PMPCA: variants seen among roughly 807,000 people sequenced by gnomAD.
PMPCA encodes peptidase, mitochondrial processing subunit alpha.
A neutral mutation model predicts 59.3 loss-of-function variants in PMPCA; 47 were observed. The observed-to-expected ratio is 0.79, with a 90% CI of 0.63 to 1.01. The LOEUF (loss-of-function observed/expected upper bound fraction) is 1.01, where lower values mean the gene tolerates loss of function less well. Ranked by LOEUF, PMPCA falls within the 50% of genes least tolerant of loss-of-function variation. The pLI, the probability that PMPCA is intolerant of heterozygous loss-of-function variation, is 0.00. For missense variants in PMPCA, 726 were observed against 704.5 expected, an observed-to-expected ratio of 1.03 and a Z score of -0.34; for synonymous variants, 338 against 290.3, an observed-to-expected ratio of 1.16 and a Z score of -1.67.
chr9:136,411,877 C>A, intron 1 of PMPCA, 120 bp from the exon 2 acceptor site: 1 of 686,024 alleles, frequency 1.5e-6, no homozygotes, highest in Non-Finnish European at 2.7e-6. Context: ...AGAAATAAGT[C>A]CTGTAGAAAG....
At position 136,423,233 on chromosome 9, in the gene PMPCA, G is replaced by A. The variant is rs768196711; in HGVS notation, c.1547G>A (p.Arg516His). 14 of 1,613,172 alleles carry A rather than the reference G, an allele frequency of 8.7e-6. No individual in the cohort carries two copies. Among genetic ancestry groups the A allele is most frequent in the African/African-American group, 1.3e-5 (1 of 74,946 alleles). Reference sequence around the variant, plus strand: ...ACCGCCCTGTCGAGTAAGGACGGGCGCCTGCCCAGGACGTACCGGCTCTTC... The same window carrying A: ...ACCGCCCTGTCGAGTAAGGACGGGCACCTGCCCAGGACGTACCGGCTCTTC... Reference protein sequence around the residue: ...IQTALSSKDGRLPRTYRLFR With the variant: ...IQTALSSKDGHLPRTYRLFR The change falls in exon 13 of 13, where the codon CGC becomes CAC. Residue 516 changes from arginine to histidine, a missense_variant. By Grantham distance (29) the Arg-to-His change is conservative. Coordinates refer to ENST00000371717, the MANE Select transcript of PMPCA (RefSeq NM_015160.3).
Position 136,417,225 on chromosome 9 carries a change from G to T in PMPCA, c.897+11G>T, listed in dbSNP as rs556400644. On this transcript the variant is annotated intron_variant, in intron 7 of 12. Coordinates refer to ENST00000371717, the MANE Select transcript of PMPCA (RefSeq NM_015160.3). Reference sequence around the variant, plus strand: ...GGGGGGATTGCCAAGGTGAAGTAGCGGGAACGTCTCATGGCCTCGGGTGGG... The same window carrying T: ...GGGGGGATTGCCAAGGTGAAGTAGCTGGAACGTCTCATGGCCTCGGGTGGG... The T allele has an allele frequency of 1.3e-6, 2 of 1,558,606 alleles. No individual in the cohort carries two copies.
chr9:136,421,404 G>GTTTTTTT lies in PMPCA; in HGVS notation c.1264-411_1264-405dup, dbSNP rs57128281. Among the ~76,000 whole-genome samples the GTTTTTTT allele has an allele frequency of 5.1e-5, 6 of 118,006 alleles. 1 individual carries two copies. Among genetic ancestry groups the GTTTTTTT allele is most frequent in the Non-Finnish European group, 5.2e-5 (3 of 57,650 alleles). 77.4% of individuals were successfully genotyped at this position (118,006 alleles called of 152,430 possible). A position where few individuals can be genotyped will look rare whatever the true frequency, so the allele number is the denominator to read the frequency against. On this transcript the variant is annotated intron_variant, in intron 11 of 12. Coordinates refer to ENST00000371717, the MANE Select transcript of PMPCA (RefSeq NM_015160.3). ...GCCTGTGACTTGGGCCTGGGTTCCC[G>GTTTTTTT]TTTTTTTTTTTTTTTTTTTTTTTGA...
Position 136,412,127 on chromosome 9 carries a change from A to C in PMPCA, c.202A>C (p.Lys68Gln). Residue 68 changes from lysine to glutamine, a missense_variant, in exon 2 of 13, where the codon AAA becomes CAA. Physicochemically the swap from Lys to Gln is moderately conservative, Grantham distance 53. Transcript: ENST00000371717. The stretch of plus-strand genomic sequence containing the variant: ...TGATGGACAGGAAAAGTTTGAAACC[A>C]AAGTAACCACATTGGATAATGGGCT... ...TVDGQEKFET[K>Q]VTTLDNGLRV... 6.2e-7 allele frequency: 1 copy of C among 1,614,118 alleles called. No homozygotes were observed. Among genetic ancestry groups the C allele is most frequent in the Non-Finnish European group, 8.5e-7 (1 of 1,179,970 alleles).
intron 12 of PMPCA, chr9:136,422,667 A>G (rs1439431573): frequency 1.6e-5 from 16 of 1,012,648 alleles, no homozygotes; most frequent in Non-Finnish European, 1.8e-5. Flanking sequence ...TTTTCTGTAG[A>G]AAACAGACCC....
intron 1 of PMPCA, chr9:136,411,174 C>T (rs1421708804): frequency 1.2e-5 from 2 of 162,810 alleles, no homozygotes; most frequent in Admixed American, 6.4e-5. Context: ...CCGTACCCAC[C>T]GCTCCTCCCA....
chr9:136,416,371 C>G lies in PMPCA; in HGVS notation c.613C>G (p.Leu205Val), dbSNP rs764553676. The G allele has an allele frequency of 5.6e-6, 9 of 1,612,582 alleles. No homozygotes were observed. In the East Asian group the frequency reaches 2.0e-4, roughly 36 times the overall value. The change falls in exon 6 of 13, where the codon CTC becomes GTC. Residue 205 changes from leucine to valine, a missense_variant. Physicochemically the swap from Leu to Val is conservative, Grantham distance 32. Coordinates refer to ENST00000371717, the MANE Select transcript of PMPCA (RefSeq NM_015160.3). ...CCTGCGGCCTGACCCAGAGCCACTT[C>G]TCACCGAGATGATTCATGAAGTAAA... Reference protein sequence around the residue: ...LNLRPDPEPLLTEMIHEAAYR... With the variant: ...LNLRPDPEPLVTEMIHEAAYR...
At chr9:136,416,902 C>G (rs1214080812) in intron 6 of PMPCA, 49 bp from the exon 7 acceptor site, 2 of 1,549,958 alleles carry the variant, frequency 1.3e-6, no homozygotes, top group South Asian at 2.4e-5. Flanking sequence ...TGGAGGAAGC[C>G]TGGTCATGCT....
chr9:136,410,826 C>T (rs1835077827), intron 1 of PMPCA, 87 bp downstream of exon 1: 10 of 1,138,176 alleles, frequency 8.8e-6, no homozygotes, highest in South Asian at 5.3e-5. Context: ...CTACAGGTGA[C>T]ATGGCGCCCG....
intron 6 of PMPCA, 86 bp from the exon 7 acceptor site, chr9:136,416,865 C>T: frequency 7.6e-7 from 1 of 1,321,806 alleles, no homozygotes; most frequent in African/African-American, 1.5e-5. Flanking sequence ...CCAGGGCTGG[C>T]TGCAGATGGG....
At chr9:136,415,941 T>C in intron 5 of PMPCA, 1 of 305,290 alleles carries the variant, frequency 3.3e-6, no homozygotes, top group Non-Finnish European at 6.2e-6. Flanking sequence ...CGTGTGCCTC[T>C]GTTTCTAAGC....
Position 136,412,867 on chromosome 9 carries a change from G to C in PMPCA, c.412G>C (p.Gly138Arg). 6.2e-7 allele frequency: 1 copy of C among 1,606,992 alleles called. No homozygotes were observed. Among genetic ancestry groups the C allele is most frequent in the Non-Finnish European group, 8.5e-7 (1 of 1,173,662 alleles). ...EILLTLEKHG[G>R]ICDCQTSRDT... ...TCTGCTTACGTTGGAAAAGCATGGG[G>C]GTATCTGTGACTGCCAGACATCAAG... Residue 138 changes from glycine (G) to arginine (R), a missense_variant, in exon 4 of 13, where the codon GGT becomes CGT. By Grantham distance (125) the Gly-to-Arg change is moderately radical. Coordinates refer to ENST00000371717, the MANE Select transcript of PMPCA (RefSeq NM_015160.3).
At position 136,417,263 on chromosome 9, in the gene PMPCA, T is replaced by C. The variant is rs778014054; in HGVS notation, c.897+49T>C. 4.1e-6 allele frequency: 6 copies of C among 1,478,100 alleles called. No homozygotes were observed. In the African/African-American group the frequency reaches 7.0e-5, roughly 17 times the overall value. 91.6% of individuals were successfully genotyped at this position (1,478,100 alleles called of 1,614,324 possible). On this transcript the variant is annotated intron_variant, in intron 7 of 12. Coordinates refer to ENST00000371717, the MANE Select transcript of PMPCA (RefSeq NM_015160.3). ...GGCCTCGGGTGGGGAACACGTCCCC[T>C]GGCCCGTGGTGTGACCTGTTTTTGT...
intron 12 of PMPCA, chr9:136,422,765 G>A (rs1180491104): frequency 2.0e-5 from 22 of 1,122,444 alleles, no homozygotes; most frequent in Middle Eastern, 4.0e-4. Context: ...TGCGGCCCTC[G>A]GGGGCTGGGG....
chr9:136,418,462 G>A (rs953658920), intron 8 of PMPCA, 93 bp from the exon 9 acceptor site: 13 of 839,102 alleles, frequency 1.5e-5, no homozygotes, highest in South Asian at 1.2e-4. Flanking sequence ...TGGCTTGGGC[G>A]ACTCAGCCAG....
At chr9:136,412,726 A>G in intron 3 of PMPCA, 84 bp from the exon 4 acceptor site, 2 of 907,716 alleles carry the variant, frequency 2.2e-6, no homozygotes, top group Non-Finnish European at 3.6e-6. Context: ...TGTGTGTTAA[A>G]AGCAAAAGTA....
rs759654449 is a variant in PMPCA at position 136,422,033 on chromosome 9, G to T, written c.1408+57G>T. ...GCAGGCCTCGGCCAGGCTCAGAGGA[G>T]GCCGTCTCGCCCTCCCGCAGGCCGT... On this transcript the variant is annotated intron_variant, in intron 12 of 12. Coordinates refer to ENST00000371717, the MANE Select transcript of PMPCA (RefSeq NM_015160.3). 3 of 1,561,748 alleles carry T rather than the reference G, an allele frequency of 1.9e-6. No individual in the cohort carries two copies. In the South Asian group the frequency reaches 3.5e-5, roughly 18 times the overall value.
chr9:136,418,694 T>C, intron 9 of PMPCA, 21 bp downstream of exon 9: 1 of 1,558,266 alleles, frequency 6.4e-7, no homozygotes, highest in Non-Finnish European at 8.9e-7. Context: ...CTCTTTTCTG[T>C]ATCCTCAGGC....
intron 12 of PMPCA, chr9:136,422,538 C>G: frequency 9.8e-7 from 1 of 1,016,134 alleles, no homozygotes; most frequent in East Asian, 9.7e-5. Flanking sequence ...CACCTGTGGG[C>G]ATCTCCTTTC....
Sources: gnomAD v4.1 joint callset for allele counts (sites outside exome capture counted in the v4.1 genomes callset) on GRCh38, gnomAD v4.1.1 for gene constraint, MANE v1.5 for transcripts, NCBI Gene and HGNC (gene_info 2026-07-23, HGNC 2026-07-21) for gene names.